The following TSPAN9 variants were observed in gnomAD, a reference collection of about 807,000 sequenced individuals.
The protein encoded by TSPAN9 is tetraspanin-9.
A neutral mutation model predicts 31.0 loss-of-function variants in TSPAN9; 16 were observed. That is an observed-to-expected ratio of 0.52 (90% CI 0.35 to 0.78). TSPAN9 has a LOEUF of 0.78. TSPAN9 is among the 30% of genes least tolerant of loss of function. The pLI is 0.01. For missense variants in TSPAN9, 272 were observed against 312.5 expected, an observed-to-expected ratio of 0.87 and a Z score of 0.98; for synonymous variants, 145 against 121.6, an observed-to-expected ratio of 1.19 and a Z score of -1.27.
chr12:3,113,394 C>G (rs1010582632), intron 2 of TSPAN9, among the ~76,000 whole-genome samples: 1 of 152,150 alleles, frequency 6.6e-6, no homozygotes. Flanking sequence ...AGTAGTGGGA[C>G]CCGGCTCTGA....
At chr12:3,149,560 C>CCAACAGACAACAG (rs2098338871) in intron 2 of TSPAN9, among the ~76,000 whole-genome samples, 1 of 152,196 alleles carries the variant, frequency 6.6e-6, no homozygotes, top group Admixed American at 6.5e-5. Context: ...CTGTCTCAGT[C>CCAACAGACAACAG]CAACAGACAA....
rs1313220010 is a variant in TSPAN9, at chr12:3,129,935, G to A, written c.-18+46216G>A. 2.0e-5 allele frequency among the ~76,000 whole-genome samples: 3 copies of A among 152,136 alleles called. No homozygotes were observed. In the East Asian group the frequency reaches 5.8e-4, roughly 29 times the overall value. ...TGACCAACCCCTCCATGCCCTCTGT[G>A]CATTCAGATATCAGGTGTACTTGGA... On this transcript the variant is annotated intron_variant, in intron 2 of 8. Transcript: ENST00000011898.
At chr12:3,081,403 A>G (rs981289928) in intron 1 of TSPAN9, among the ~76,000 whole-genome samples, 4 of 151,962 alleles carry the variant, frequency 2.6e-5, no homozygotes, top group African/African-American at 9.7e-5. Context: ...AGCCAGACTT[A>G]TCTCCCAAGC....
In TSPAN9 at chr12:3,187,716, C is replaced by T. The variant is rs1041063521; in HGVS notation, c.-17-13461C>T. 2.0e-4 allele frequency among the ~76,000 whole-genome samples: 30 copies of T among 152,068 alleles called. No homozygotes were observed. Among genetic ancestry groups the T allele is most frequent in the Admixed American group, 1.6e-3 (24 of 15,272 alleles). On this transcript the variant is annotated intron_variant, in intron 2 of 8. Transcript: ENST00000011898. The surrounding 1 kb of genome is among the most constrained non-coding windows in gnomAD (Gnocchi z 5.2). ...GTCACCATGAACAGGTCTTGGCTTG[C>T]GGTATTCAGGCACGCAGGCCTCTCT...
At chr12:3,100,521 T>C (rs1176234320) in intron 2 of TSPAN9, among the ~76,000 whole-genome samples, 1 of 152,210 alleles carries the variant, frequency 6.6e-6, no homozygotes, top group Non-Finnish European at 1.5e-5. Context: ...CTGTCAGGGA[T>C]TGCAGTCCTG....
chr12:3,113,966 C>T (rs570773678), intron 2 of TSPAN9, among the ~76,000 whole-genome samples: 30 of 152,356 alleles, frequency 2.0e-4, no homozygotes, highest in African/African-American at 6.7e-4. Context: ...CATTTCCCCC[C>T]ATTTATCATT....
At chr12:3,281,405 G>C (rs1367994018) in intron 7 of TSPAN9, 76 bp downstream of exon 7, 9 of 1,473,174 alleles carry the variant, frequency 6.1e-6, no homozygotes, top group Non-Finnish European at 5.4e-6. Flanking sequence ...CTATAGGGGA[G>C]GCTGGGCCCG....
At chr12:3,249,639 T>G (rs678022) in intron 3 of TSPAN9, among the ~76,000 whole-genome samples, 143,135 of 152,242 alleles carry the variant, frequency 0.94, 67,956 homozygotes, top group Middle Eastern at 1. Context: ...AGGGCTGCTC[T>G]CCGAGCACCT....
Position 3,187,322 on chromosome 12 carries a change from C to T in TSPAN9, c.-17-13855C>T, listed in dbSNP as rs958490279. 6.6e-6 allele frequency among the ~76,000 whole-genome samples: 1 copy of T among 152,158 alleles called. No homozygotes were observed. Among genetic ancestry groups the T allele is most frequent in the Non-Finnish European group, 1.5e-5 (1 of 68,036 alleles). On this transcript the variant is annotated intron_variant, in intron 2 of 8. Transcript: ENST00000011898. The surrounding 1 kb of genome is among the most constrained non-coding windows in gnomAD (Gnocchi z 5.2). ...TGTGGGGCGTCTCTGCTTTTCCTAG[C>T]TGGGTAATCCTAAATGCATGAGTGT... is the stretch of plus-strand genomic sequence containing the variant.
In TSPAN9 at chr12:3,192,068, C is replaced by T. The variant is rs1440203741; in HGVS notation, c.-17-9109C>T. ...GGCGGAGGCTCTGAGGAGGTCAGAG[C>T]ACCGAGAGTTCACGGCTGTGGCAAT... On this transcript the variant is annotated intron_variant, in intron 2 of 8. Coordinates refer to ENST00000011898, the MANE Select transcript of TSPAN9 (RefSeq NM_006675.5). This position sits in a 1 kb window ranked among gnomAD's most constrained non-coding sequence, Gnocchi z 4.6. Among the ~76,000 whole-genome samples, 1 of 152,202 alleles carries T rather than the reference C, an allele frequency of 6.6e-6. No individual in the cohort carries two copies. Among genetic ancestry groups the T allele is most frequent in the South Asian group, 2.1e-4 (1 of 4,812 alleles).
chr12:3,257,414 C>G (rs531614963), intron 3 of TSPAN9, among the ~76,000 whole-genome samples: 4 of 151,990 alleles, frequency 2.6e-5, no homozygotes, highest in South Asian at 2.1e-4. Context: ...TTTCTTGGAA[C>G]CTCTTCTTTC....
intron 3 of TSPAN9, among the ~76,000 whole-genome samples, chr12:3,204,500 C>G (rs2098373909): frequency 6.6e-6 from 1 of 152,192 alleles, no homozygotes; most frequent in Non-Finnish European, 1.5e-5. Flanking sequence ...TCACAGGCTG[C>G]TGGGTGCCTG....
In TSPAN9 at chr12:3,148,838, A is replaced by G. The variant is rs552211664; in HGVS notation, c.-17-52339A>G. 1.5e-4 allele frequency among the ~76,000 whole-genome samples: 23 copies of G among 152,320 alleles called. No individual in the cohort carries two copies. In the South Asian group the frequency reaches 2.7e-3, roughly 18 times the overall value. ...CACCTCCCAGCCTCCCCACGGCTGC[A>G]GCTGTCCCAGCTCCATCAGTCACGT... On this transcript the variant is annotated intron_variant, in intron 2 of 8. Coordinates refer to ENST00000011898, the MANE Select transcript of TSPAN9 (RefSeq NM_006675.5).
chr12:3,244,937 G>A (rs992142428), intron 3 of TSPAN9, among the ~76,000 whole-genome samples: 2 of 152,160 alleles, frequency 1.3e-5, no homozygotes, highest in African/African-American at 4.8e-5. Context: ...AGTTTCAGGG[G>A]CCCCCTTCTG....
intron 6 of TSPAN9, 107 bp from the exon 7 acceptor site, chr12:3,281,091 G>T (rs1445910655): frequency 2.6e-6 from 4 of 1,509,656 alleles, no homozygotes; most frequent in Non-Finnish European, 3.5e-6. Flanking sequence ...TAACTGCAGG[G>T]TGGCCACTTT....
intron 2 of TSPAN9, chr12:3,149,776 C>T (rs1358607097): frequency 3.3e-5 from 5 of 152,184 alleles, no homozygotes; most frequent in Admixed American, 1.3e-4. Flanking sequence ...GGCTCCTGGG[C>T]CCCCATCCCA....
chr12:3,249,221 G>T (rs781698264), intron 3 of TSPAN9, among the ~76,000 whole-genome samples: 8 of 152,196 alleles, frequency 5.3e-5, no homozygotes, highest in Non-Finnish European at 1.0e-4. Flanking sequence ...CCCTCCAGCT[G>T]CGAGTCTTTC....
rs1237886620 is a variant in TSPAN9 at position 3,286,522 on chromosome 12, C to T, written c.*3406C>T. On this transcript the variant is annotated 3_prime_UTR_variant, in exon 9 of 9. Transcript: ENST00000011898. The surrounding 1 kb of genome is among the most constrained non-coding windows in gnomAD (Gnocchi z 4.1). ...GCTTTATGGAACACCATGTTTTTAGCATGTTTTTAAATAAAAACGGATAAA... is the reference window on the plus strand; with the variant it reads ...GCTTTATGGAACACCATGTTTTTAGTATGTTTTTAAATAAAAACGGATAAA... The T allele has an allele frequency of 2.0e-5, 3 of 152,418 alleles. No individual in the cohort carries two copies. The highest frequency in any genetic ancestry group is 4.4e-5 in the Non-Finnish European group (3 of 68,044). The allele number at this position is 152,418 out of a possible 1,614,324, so 9.4% of individuals were successfully genotyped here. A position where few individuals can be genotyped will look rare whatever the true frequency, so the allele number is the denominator to read the frequency against.
intron 3 of TSPAN9, among the ~76,000 whole-genome samples, chr12:3,221,586 T>C (rs2098384637): frequency 6.6e-6 from 1 of 152,192 alleles, no homozygotes; most frequent in Non-Finnish European, 1.5e-5. Context: ...CTTGAACTCC[T>C]GACCTCAGGT....
Sources: allele counts gnomAD v4.1 joint callset (sites outside exome capture counted in the v4.1 genomes callset), GRCh38; gene constraint gnomAD v4.1.1; non-coding constraint Gnocchi (gnomAD v3.1); transcripts MANE v1.5; gene names NCBI Gene and HGNC (gene_info 2026-07-23, HGNC 2026-07-21).